Variants in DAB2IP observed in about 807,000 individuals in gnomAD.
The protein encoded by DAB2IP is DAB2 interacting protein, also known as disabled homolog 2-interacting protein.
Under a neutral mutation model 107.2 loss-of-function variants are expected in DAB2IP, and 28 were observed. The observed-to-expected ratio is 0.26, with a 90% confidence interval of 0.19 to 0.36. The LOEUF (loss-of-function observed/expected upper bound fraction) is 0.36. Ranked by LOEUF, DAB2IP falls within the 10% of genes least tolerant of loss-of-function variation. The pLI is 1.00. For missense variants in DAB2IP, 1,400 were observed against 1,644.7 expected (o/e 0.85, Z 2.57); for synonymous variants, 755 against 706.4 (o/e 1.07, Z -1.09).
chr9:121,658,793 C>T (rs559637042), intron 1 of DAB2IP, among the ~76,000 whole-genome samples: 152 of 152,294 alleles, frequency 1.0e-3, no homozygotes, highest in African/African-American at 3.4e-3. Context: ...GGAAATGCGG[C>T]GGTGCTCAGT....
chr9:121,756,944 G>GGGT, intron 3 of DAB2IP, 69 bp from the exon 4 acceptor site: 1 of 1,606,132 alleles, frequency 6.2e-7, no homozygotes. Flanking sequence ...CAGGGCAGAT[G>GGGT]GGTGGGACAT....
exon 16 of DAB2IP, chr9:121,784,446 A>C (rs1835866111): frequency 6.5e-6 from 1 of 152,984 alleles, no homozygotes; most frequent in Non-Finnish European, 1.5e-5. Context: ...GGGCCTGGAC[A>C]GGCGGGCTCG....
chr9:121,593,202 G>C (rs568804323), intron 1 of DAB2IP, among the ~76,000 whole-genome samples: 10 of 152,132 alleles, frequency 6.6e-5, no homozygotes, highest in Non-Finnish European at 1.3e-4. Flanking sequence ...TCCTGCCTCA[G>C]CCTTCCAAGT....
intron 13 of DAB2IP, among the ~76,000 whole-genome samples, chr9:121,775,432 G>T (rs1835131222): frequency 6.6e-6 from 1 of 152,240 alleles, no homozygotes; most frequent in African/African-American, 2.4e-5. Flanking sequence ...CCCAGAGCCA[G>T]AGTTTGGCTG....
intron 1 of DAB2IP, among the ~76,000 whole-genome samples, chr9:121,677,687 A>G (rs1828334853): frequency 6.6e-6 from 1 of 151,918 alleles, no homozygotes; most frequent in Non-Finnish European, 1.5e-5. Flanking sequence ...TTTGAGACAG[A>G]GTCTCACTCT....
chr9:121,740,735 G>T (rs927946827), intron 3 of DAB2IP, among the ~76,000 whole-genome samples: 1 of 152,220 alleles, frequency 6.6e-6, no homozygotes, highest in Non-Finnish European at 1.5e-5. Context: ...TTCAGTGTCT[G>T]TTGAATGAAT....
At chr9:121,667,168 G>A (rs879815484) in intron 1 of DAB2IP, among the ~76,000 whole-genome samples, 1 of 151,252 alleles carries the variant, frequency 6.6e-6, no homozygotes, top group Non-Finnish European at 1.5e-5. Context: ...GCACCACCAC[G>A]CCTGACTAAC....
At chr9:121,588,738 C>T (rs1280766106) in intron 1 of DAB2IP, among the ~76,000 whole-genome samples, 1 of 151,952 alleles carries the variant, frequency 6.6e-6, no homozygotes, top group Non-Finnish European at 1.5e-5. Context: ...GCTGGGATGC[C>T]CCTTCAGAGT....
intron 1 of DAB2IP, among the ~76,000 whole-genome samples, chr9:121,671,427 C>T (rs1833677798): frequency 6.6e-6 from 1 of 152,196 alleles, no homozygotes; most frequent in African/African-American, 2.4e-5. Flanking sequence ...TAACCTCAAC[C>T]ACATCTGCCA....
chr9:121,586,175 G>T (rs1830308067), intron 1 of DAB2IP, among the ~76,000 whole-genome samples: 1 of 152,200 alleles, frequency 6.6e-6, no homozygotes, highest in Non-Finnish European at 1.5e-5. Flanking sequence ...TTCTGGGAGG[G>T]CACCTCCTGG....
At chr9:121,694,124 G>A (rs1375901632) in intron 2 of DAB2IP, among the ~76,000 whole-genome samples, 1 of 152,132 alleles carries the variant, frequency 6.6e-6, no homozygotes, top group Non-Finnish European at 1.5e-5. Context: ...TCCCGCCTTG[G>A]CTTTGGTCCT....
In DAB2IP at chr9:121,661,362, C is replaced by T. The variant is rs145414106; in HGVS notation, c.124+9463C>T. ...TTAACTGTCAATACAGTCATGGTTC[C>T]ACCTGGTATCTAGAAACCTGTTCAC... On this transcript the variant is annotated intron_variant, in intron 1 of 15. Coordinates refer to ENST00000408936, the Ensembl canonical transcript of DAB2IP. Among the ~76,000 whole-genome samples, 299 of 152,186 alleles carry T rather than the reference C, an allele frequency of 2.0e-3. 3 individuals carry two copies. Among genetic ancestry groups the T allele is most frequent in the East Asian group, 7.9e-3 (41 of 5,174 alleles).
exon 16 of DAB2IP, chr9:121,783,031 G>A (rs1835776168): frequency 2.9e-6 from 3 of 1,033,682 alleles, no homozygotes. Flanking sequence ...CACAGAGCAG[G>A]AGGTCAGTGT....
At chr9:121,629,096 C>A (rs1008810951) in intron 1 of DAB2IP, among the ~76,000 whole-genome samples, 1 of 152,130 alleles carries the variant, frequency 6.6e-6, no homozygotes, top group Non-Finnish European at 1.5e-5. Flanking sequence ...CCTAGTAGAA[C>A]CCCCCAGACT....
chr9:121,626,423 CCT>C (rs1831648801), intron 1 of DAB2IP, among the ~76,000 whole-genome samples: 1 of 112,190 alleles, frequency 8.9e-6, no homozygotes, highest in Non-Finnish European at 1.9e-5. Flanking sequence ...AGACGAGAAA[CCT>C]TTTTTTTTTT....
intron 1 of DAB2IP, among the ~76,000 whole-genome samples, chr9:121,654,583 C>T (rs1832898078): frequency 6.6e-6 from 1 of 152,116 alleles, no homozygotes. Context: ...AGCCATTGCC[C>T]TCCCTCCACT....
intron 4 of DAB2IP, 152 bp downstream of exon 4, chr9:121,757,318 G>C: frequency 9.7e-7 from 1 of 1,028,968 alleles, no homozygotes; most frequent in East Asian, 2.8e-5. Context: ...ATAGCTTTCA[G>C]CTCCTAAGAG....
chr9:121,745,236 G>T (rs1324254628), intron 3 of DAB2IP, among the ~76,000 whole-genome samples: 1 of 152,242 alleles, frequency 6.6e-6, no homozygotes, highest in Admixed American at 6.5e-5. Flanking sequence ...TCCCAGGTAT[G>T]TGGGCTCACT....
At chr9:121,625,785 G>T (rs1320058459) in intron 1 of DAB2IP, among the ~76,000 whole-genome samples, 1 of 151,910 alleles carries the variant, frequency 6.6e-6, no homozygotes, top group Non-Finnish European at 1.5e-5. Context: ...TATGGTGTGT[G>T]TTTATTTTAA....
Sources: allele counts gnomAD v4.1 joint callset (sites outside exome capture counted in the v4.1 genomes callset), GRCh38; gene constraint gnomAD v4.1.1; transcripts MANE v1.5; gene names NCBI Gene and HGNC (gene_info 2026-07-23, HGNC 2026-07-21).